The following TMEM132D variants were observed in gnomAD, a reference collection of about 807,000 sequenced individuals.
TMEM132D encodes transmembrane protein 132D.
In TMEM132D, 21 loss-of-function variants were observed where a neutral mutation model predicts 62.3. That is an observed-to-expected ratio of 0.34 (90% CI 0.24 to 0.49). The LOEUF is 0.49. TMEM132D is among the 20% of genes least tolerant of loss of function. The probability of loss-of-function intolerance (pLI) is 0.99; values close to 1 mark genes in which losing one functional copy is unlikely to be tolerated. For missense variants in TMEM132D, 1,346 were observed against 1,402.8 expected (o/e 0.96, Z 0.65); for synonymous variants, 621 against 575.6 (o/e 1.08, Z -1.13).
intron 3 of TMEM132D, among the ~76,000 whole-genome samples, chr12:129,420,312 T>TTTTTTTTG (rs1872271245): frequency 1.6e-5 from 1 of 61,316 alleles, no homozygotes; most frequent in Non-Finnish European, 4.2e-5. Context: ...CTCTGTTTTT[T>TTTTTTTTG]TTTTTTTTTT....
intron 3 of TMEM132D, among the ~76,000 whole-genome samples, chr12:129,476,450 G>C (rs911183351): frequency 3.3e-5 from 5 of 152,168 alleles, no homozygotes; most frequent in Non-Finnish European, 7.3e-5. Context: ...GCTTATCTCT[G>C]TCTGACATTG....
chr12:129,438,194 A>G (rs1207073332), intron 3 of TMEM132D, among the ~76,000 whole-genome samples: 1 of 152,158 alleles, frequency 6.6e-6, no homozygotes, highest in Non-Finnish European at 1.5e-5. Context: ...TAGTGCTGCA[A>G]TAAACATACG....
chr12:129,391,023 G>A lies in TMEM132D; in HGVS notation c.1116-53206C>T, dbSNP rs181106552. ...GCATATCTAGCACACAGTACAGTAC[G>A]TACTCTATAACTGTTCATTCTTATA... On this transcript the variant is annotated intron_variant, in intron 3 of 8. Transcript: ENST00000422113. Among the ~76,000 whole-genome samples, 374 of 152,228 alleles carry A rather than the reference G, an allele frequency of 2.5e-3. 2 individuals are homozygous for A. The highest frequency in any genetic ancestry group is 7.8e-3 in the African/African-American group (326 of 41,540).
intron 3 of TMEM132D, among the ~76,000 whole-genome samples, chr12:129,402,233 A>T (rs948527181): frequency 2.6e-5 from 4 of 152,128 alleles, no homozygotes; most frequent in Admixed American, 6.5e-5. Flanking sequence ...TTGGTTATGA[A>T]CTTCAGCAGC....
At chr12:129,679,039 A>T (rs1330340210) in intron 2 of TMEM132D, among the ~76,000 whole-genome samples, 1 of 151,802 alleles carries the variant, frequency 6.6e-6, no homozygotes, top group African/African-American at 2.4e-5. Flanking sequence ...TAACCCATCT[A>T]TATATTTTTC....
intron 3 of TMEM132D, among the ~76,000 whole-genome samples, chr12:129,391,429 A>G (rs1335339598): frequency 6.6e-6 from 1 of 152,152 alleles, no homozygotes; most frequent in Non-Finnish European, 1.5e-5. Context: ...AGGGACTGAG[A>G]GTTTTTAGAA....
At chr12:129,300,472 T>TACA (rs1881687180) in intron 4 of TMEM132D, among the ~76,000 whole-genome samples, 2 of 152,240 alleles carry the variant, frequency 1.3e-5, no homozygotes, top group Non-Finnish European at 2.9e-5. Context: ...TTAAGGTTTT[T>TACA]GCTATGGATG....
intron 1 of TMEM132D, among the ~76,000 whole-genome samples, chr12:129,751,708 T>C (rs1310069003): frequency 6.6e-6 from 1 of 152,198 alleles, no homozygotes; most frequent in Non-Finnish European, 1.5e-5. Flanking sequence ...TTTTGGTGCA[T>C]TAAACATGGA....
chr12:129,250,798 C>T (rs1387333387), intron 4 of TMEM132D, among the ~76,000 whole-genome samples: 1 of 152,156 alleles, frequency 6.6e-6, no homozygotes, highest in African/African-American at 2.4e-5. Context: ...TGGGGCAGTT[C>T]TTACCTATCC....
chr12:129,105,549 T>C (rs1366014203), intron 5 of TMEM132D, among the ~76,000 whole-genome samples: 1 of 84,246 alleles, frequency 1.2e-5, no homozygotes, highest in African/African-American at 3.9e-5. Flanking sequence ...ATAATAATAA[T>C]AAAAAAAAAG....
At chr12:129,261,202 A>G (rs1880542534) in intron 4 of TMEM132D, among the ~76,000 whole-genome samples, 2 of 152,150 alleles carry the variant, frequency 1.3e-5, no homozygotes, top group African/African-American at 4.8e-5. Context: ...ACCATAACAA[A>G]TACCATAGAT....
chr12:129,713,356 T>C (rs1001916195), intron 1 of TMEM132D, among the ~76,000 whole-genome samples: 7 of 152,182 alleles, frequency 4.6e-5, no homozygotes, highest in Non-Finnish European at 8.8e-5. Context: ...AGAATGTTTT[T>C]GTTGCTTAAA....
At chr12:129,833,529 G>A (rs1872909059) in intron 1 of TMEM132D, among the ~76,000 whole-genome samples, 1 of 152,180 alleles carries the variant, frequency 6.6e-6, no homozygotes, top group Non-Finnish European at 1.5e-5. Flanking sequence ...GGAGGAGGAG[G>A]TGGGAGGATC....
At position 129,074,111 on chromosome 12, in the gene TMEM132D, G is replaced by T. The variant is rs2135601863; in HGVS notation, c.3064C>A (p.Pro1022Thr). 1 of 1,614,064 alleles carries T rather than the reference G, an allele frequency of 6.2e-7. No homozygotes were observed. Among genetic ancestry groups the T allele is most frequent in the Non-Finnish European group, 8.5e-7 (1 of 1,180,020 alleles). Residue 1022 changes from proline (P) to threonine (T), a missense_variant, in exon 9 of 9, where the codon CCC becomes ACC. Physicochemically the swap from Pro to Thr is conservative, Grantham distance 38. Coordinates refer to ENST00000422113, the MANE Select transcript of TMEM132D (RefSeq NM_133448.3). ...TGATCTTTCCCATCAATGATGATGG[G>T]TCCCAAAGGTTTGAACAGCTGCCCA... is the stretch of plus-strand genomic sequence containing the variant. The part of the protein sequence containing the change: ...INGQLFKPLG[P>T]IIIDGKDQKS...
At chr12:129,180,026 T>A (rs1277073808) in intron 5 of TMEM132D, among the ~76,000 whole-genome samples, 1 of 128,168 alleles carries the variant, frequency 7.8e-6, no homozygotes, top group Non-Finnish European at 1.7e-5. Flanking sequence ...AGACTCCATC[T>A]CAAAAAGAAA....
At chr12:129,279,114 CA>C (rs1244580202) in intron 4 of TMEM132D, among the ~76,000 whole-genome samples, 1 of 152,084 alleles carries the variant, frequency 6.6e-6, no homozygotes, top group African/African-American at 2.4e-5. Flanking sequence ...AAAAACAAAA[CA>C]AAACACACAA....
chr12:129,433,855 TGA>T (rs554927984), intron 3 of TMEM132D, among the ~76,000 whole-genome samples: 7 of 152,166 alleles, frequency 4.6e-5, no homozygotes, highest in Non-Finnish European at 1.0e-4. Context: ...GGAGTGCATC[TGA>T]GAGTTACTGG....
intron 1 of TMEM132D, among the ~76,000 whole-genome samples, chr12:129,896,265 G>C (rs1036010477): frequency 6.6e-6 from 1 of 152,064 alleles, no homozygotes; most frequent in Non-Finnish European, 1.5e-5. Context: ...TGGGATTACA[G>C]ACATGAGCCA....
chr12:129,346,422 A>T (rs986656133), intron 3 of TMEM132D, among the ~76,000 whole-genome samples: 4 of 152,090 alleles, frequency 2.6e-5, no homozygotes, highest in African/African-American at 9.7e-5. Flanking sequence ...AGGGTTTTTC[A>T]TGACTCTGTC....
Sources: gnomAD v4.1 joint callset for allele counts (sites outside exome capture counted in the v4.1 genomes callset) on GRCh38, gnomAD v4.1.1 for gene constraint, MANE v1.5 for transcripts, NCBI Gene and HGNC (gene_info 2026-07-23, HGNC 2026-07-21) for gene names.